Variants in CTNNA1 observed in about 807,000 individuals in gnomAD.
CTNNA1 encodes the protein catenin alpha-1.
Under a neutral mutation model 98.4 loss-of-function variants are expected in CTNNA1, and 37 were observed. That is an observed-to-expected ratio of 0.38 (90% confidence interval 0.29 to 0.49). The LOEUF is 0.49. Ranked by LOEUF, CTNNA1 falls within the 20% of genes least tolerant of loss-of-function variation. The probability of loss-of-function intolerance (pLI) is 0.95; values close to 1 mark genes in which losing one functional copy is unlikely to be tolerated. For synonymous variants in CTNNA1, 404 were observed against 413.2 expected, an observed-to-expected ratio of 0.98 and a Z score of 0.27; for missense variants, 761 against 1,147.2, an observed-to-expected ratio of 0.66 and a Z score of 4.86.
chr5:138,925,517 C>A, intron 13 of CTNNA1, 110 bp downstream of exon 13: 2 of 1,404,080 alleles, frequency 1.4e-6, no homozygotes, highest in Non-Finnish European at 1.9e-6. Flanking sequence ...ATATTAAAAC[C>A]ATGAATCTAA....
intron 3 of CTNNA1, among the ~76,000 whole-genome samples, chr5:138,807,369 C>A (rs1441254206): frequency 6.6e-6 from 1 of 151,834 alleles, no homozygotes; most frequent in African/African-American, 2.4e-5. Flanking sequence ...CTTAACTCTG[C>A]TGCCCACATC....
At chr5:138,848,944 G>A (rs1425497443) in intron 7 of CTNNA1, among the ~76,000 whole-genome samples, 2 of 152,062 alleles carry the variant, frequency 1.3e-5, no homozygotes, top group East Asian at 1.9e-4. Context: ...GACTGGTCTC[G>A]AACTCCTGAC....
In CTNNA1 at chr5:138,873,913, C is replaced by G. The variant is rs1241931672; in HGVS notation, c.1063-12299C>G. On this transcript the variant is annotated intron_variant, in intron 7 of 17. Coordinates refer to ENST00000302763, the MANE Select transcript of CTNNA1 (RefSeq NM_001903.5). This position sits in a 1 kb window ranked among gnomAD's most constrained non-coding sequence, Gnocchi z 6.1. ...AATGAGCAAAATTAATCTTCGTCAG[C>G]TGGTTGTGCTCTAGGTGAAGCTCTC... The G allele has an allele frequency of 6.2e-7, 1 of 1,613,868 alleles. No homozygotes were observed. Among genetic ancestry groups the G allele is most frequent in the African/African-American group, 1.3e-5 (1 of 74,912 alleles).
intron 7 of CTNNA1, among the ~76,000 whole-genome samples, chr5:138,849,626 A>G (rs2149840061): frequency 6.6e-6 from 1 of 152,244 alleles, no homozygotes; most frequent in South Asian, 2.1e-4. Flanking sequence ...TCATCACTCC[A>G]CTTCAGGAGA....
intron 5 of CTNNA1, among the ~76,000 whole-genome samples, chr5:138,817,908 C>T (rs1305239024): frequency 6.6e-6 from 1 of 151,968 alleles, no homozygotes; most frequent in Non-Finnish European, 1.5e-5. Flanking sequence ...TTGAGACAGA[C>T]TTTCGCTGTC....
At chr5:138,862,221 GTGTTTT>G (rs1373598333) in intron 7 of CTNNA1, among the ~76,000 whole-genome samples, 1 of 152,168 alleles carries the variant, frequency 6.6e-6, no homozygotes, top group Non-Finnish European at 1.5e-5. Flanking sequence ...GATTATGTTT[GTGTTTT>G]TAAATTCTCA....
intron 5 of CTNNA1, among the ~76,000 whole-genome samples, chr5:138,813,275 T>C (rs1203690146): frequency 6.6e-6 from 1 of 152,194 alleles, no homozygotes; most frequent in African/African-American, 2.4e-5. Context: ...GCACATAATA[T>C]GTCCAGTGAG....
intron 1 of CTNNA1, among the ~76,000 whole-genome samples, chr5:138,769,144 T>A (rs180872408): frequency 2.8e-3 from 432 of 152,002 alleles, no homozygotes; most frequent in African/African-American, 0.01. Flanking sequence ...CCTCCCGCCT[T>A]GGCCTCCAAA....
chr5:138,807,993 C>A lies in CTNNA1; in HGVS notation c.302-2045C>A, dbSNP rs150600312. Among the ~76,000 whole-genome samples the A allele has an allele frequency of 2.9e-3, 444 of 152,178 alleles. 3 individuals are homozygous for A. Among genetic ancestry groups the A allele is most frequent in the African/African-American group, 0.01 (417 of 41,528 alleles). ...CTCAAACTTCTGACCTCAGGTGATC[C>A]ACCCACCTCAGCCTCCCAAAGTGCT... On this transcript the variant is annotated intron_variant, in intron 3 of 17. Coordinates refer to ENST00000302763, the MANE Select transcript of CTNNA1 (RefSeq NM_001903.5).
rs1383126646 is a variant in CTNNA1 at position 138,874,630 on chromosome 5, AC to A, written c.1063-11581del. Reference sequence around the variant, plus strand: ...AGAACATATGGGCTATTTAAAAAAAACAACCACCACCAACATTATAGCAAAA... The same window carrying A: ...AGAACATATGGGCTATTTAAAAAAAAAACCACCACCAACATTATAGCAAAA... On this transcript the variant is annotated intron_variant, in intron 7 of 17. Transcript: ENST00000302763. This position sits in a 1 kb window ranked among gnomAD's most constrained non-coding sequence, Gnocchi z 4.1. 7 of 930,908 alleles carry A rather than the reference AC, an allele frequency of 7.5e-6. No individual in the cohort carries two copies. Among genetic ancestry groups the A allele is most frequent in the South Asian group, 1.8e-5 (1 of 55,510 alleles). 57.7% of individuals were successfully genotyped at this position (930,908 alleles called of 1,614,324 possible).
intron 9 of CTNNA1, among the ~76,000 whole-genome samples, chr5:138,898,318 TTTTC>T (rs779719833): frequency 2.2e-4 from 34 of 152,274 alleles, no homozygotes; most frequent in Admixed American, 4.6e-4. Flanking sequence ...ATTAAACCTC[TTTTC>T]TTATAAATTA....
intron 7 of CTNNA1, among the ~76,000 whole-genome samples, chr5:138,858,623 T>A (rs1219788139): frequency 7.9e-6 from 1 of 126,470 alleles, no homozygotes; most frequent in Non-Finnish European, 1.6e-5. Flanking sequence ...TGAGACAGAG[T>A]CTTATTCTGT....
chr5:138,805,301 TATG>T (rs1170348144), intron 3 of CTNNA1, among the ~76,000 whole-genome samples: 1 of 152,240 alleles, frequency 6.6e-6, no homozygotes, highest in African/African-American at 2.4e-5. Flanking sequence ...TACTGAGTCA[TATG>T]ATAACATTTA....
At chr5:138,867,706 C>G (rs561149377) in intron 7 of CTNNA1, among the ~76,000 whole-genome samples, 5 of 151,734 alleles carry the variant, frequency 3.3e-5, no homozygotes, top group African/African-American at 1.2e-4. Flanking sequence ...TCCAGTTCCA[C>G]TTAATGATAA....
rs550666120 is a variant in CTNNA1 at position 138,788,195 on chromosome 5, C to T, written c.301+4823C>T. Among the ~76,000 whole-genome samples, 17 of 152,278 alleles carry T rather than the reference C, an allele frequency of 1.1e-4. No homozygotes were observed. In the South Asian group the frequency reaches 3.1e-3, roughly 28 times the overall value. ...ATTTAAGTTGGTTGCCTTTTCCTCT[C>T]TACGCTCCAGCAGTGCAGGTTCTGT... On this transcript the variant is annotated intron_variant, in intron 3 of 17. Coordinates refer to ENST00000302763, the MANE Select transcript of CTNNA1 (RefSeq NM_001903.5).
intron 9 of CTNNA1, among the ~76,000 whole-genome samples, chr5:138,890,659 G>A (rs1322342647): frequency 6.6e-6 from 1 of 152,098 alleles, no homozygotes; most frequent in Non-Finnish European, 1.5e-5. Flanking sequence ...GAGTTTCAGT[G>A]TTCAGAGTTT....
intron 7 of CTNNA1, among the ~76,000 whole-genome samples, chr5:138,864,888 C>T (rs2149894807): frequency 6.6e-6 from 1 of 152,166 alleles, no homozygotes; most frequent in South Asian, 2.1e-4. Flanking sequence ...GATCTCGGCT[C>T]ACTACAACCT....
At chr5:138,763,603 A>G (rs1001710910) in intron 1 of CTNNA1, among the ~76,000 whole-genome samples, 5 of 152,200 alleles carry the variant, frequency 3.3e-5, no homozygotes, top group Admixed American at 6.5e-5. Flanking sequence ...CTTGGCCTCC[A>G]AAGTGCTAGG....
chr5:138,804,848 T>C (rs1757923928), intron 3 of CTNNA1, among the ~76,000 whole-genome samples: 1 of 152,206 alleles, frequency 6.6e-6, no homozygotes, highest in Non-Finnish European at 1.5e-5. Flanking sequence ...GCAATTACTT[T>C]TGCACCAGCT....
Sources: allele counts gnomAD v4.1 joint callset (sites outside exome capture counted in the v4.1 genomes callset), GRCh38; gene constraint gnomAD v4.1.1; non-coding constraint Gnocchi (gnomAD v3.1); transcripts MANE v1.5; gene names NCBI Gene and HGNC (gene_info 2026-07-23, HGNC 2026-07-21).